EXD3: variants seen among roughly 807,000 people sequenced by gnomAD.
EXD3 encodes the protein exonuclease 3'-5' domain containing 3.
EXD3 carries 92 observed loss-of-function variants against 98.0 expected under a neutral mutation model. The ratio of observed to expected loss-of-function variants is 0.94; its 90% CI spans 0.79 to 1.12. EXD3 has a LOEUF of 1.12. Ranked by LOEUF, EXD3 falls within the 50% of genes most tolerant of loss-of-function variation. EXD3 has a pLI of 0.00. For missense variants in EXD3, 1,222 were observed against 1,191.6 expected, an observed-to-expected ratio of 1.03 and a Z score of -0.38; for synonymous variants, 569 against 526.0, an observed-to-expected ratio of 1.08 and a Z score of -1.12.
intron 17 of EXD3, among the ~76,000 whole-genome samples, chr9:137,325,975 G>C (rs1226872791): frequency 2.6e-5 from 4 of 151,384 alleles, no homozygotes; most frequent in Non-Finnish European, 5.9e-5. Flanking sequence ...AGCTACTTAG[G>C]AAGTCGACGT....
intron 9 of EXD3, 67 bp downstream of exon 9, chr9:137,354,633 T>C (rs779419502): frequency 6.3e-7 from 1 of 1,598,502 alleles, no homozygotes; most frequent in Admixed American, 1.7e-5. Flanking sequence ...GCAGTGAGTA[T>C]CCCAGGCCAA....
intron 17 of EXD3, among the ~76,000 whole-genome samples, chr9:137,337,760 A>G (rs1222117385): frequency 6.6e-6 from 1 of 151,542 alleles, no homozygotes; most frequent in Non-Finnish European, 1.5e-5. Flanking sequence ...AGAGATGAGC[A>G]TGACTGGAAG....
At position 137,395,663 on chromosome 9, in the gene EXD3, G is replaced by T. The variant is rs942990954; in HGVS notation, c.-47-259C>A. On this transcript the variant is annotated intron_variant, in intron 1 of 21. Transcript: ENST00000340951. This position sits in a 1 kb window ranked among gnomAD's most constrained non-coding sequence, Gnocchi z 6.5. ...GCAGGGAGGGCAGGGGGTGGGAGGG[G>T]CCCTGGGGGGGGGCACAGTAGACAG... 6.6e-6 allele frequency among the ~76,000 whole-genome samples: 1 copy of T among 151,618 alleles called. No individual in the cohort carries two copies. The highest frequency in any genetic ancestry group is 6.6e-5 in the Admixed American group (1 of 15,246).
At position 137,356,358 on chromosome 9, in the gene EXD3, CAG is replaced by C; in HGVS notation, c.665_666del (p.Pro222ArgfsTer90). ...FDIKDVARRY[P>X]EVTSLSLEKL... ...TTCTCCAGGCTCAAGGAGGTCACCT[CAG>C]GGTACCGTCTGTGGGGAGAGAGAGG... On this transcript the variant is annotated frameshift_variant, in exon 8 of 22. Transcript: ENST00000340951. LOFTEE classifies it high-confidence loss of function. 1.9e-6 allele frequency: 3 copies of C among 1,599,592 alleles called. No homozygotes were observed. The highest frequency in any genetic ancestry group is 2.6e-6 in the Non-Finnish European group (3 of 1,172,976).
At chr9:137,342,697 GT>G in intron 17 of EXD3, among the ~76,000 whole-genome samples, 1 of 152,316 alleles carries the variant, frequency 6.6e-6, no homozygotes, top group African/African-American at 2.4e-5. Flanking sequence ...TCAGGGAACT[GT>G]TTCCCAGCCG....
At position 137,347,519 on chromosome 9, in the gene EXD3, C is replaced by G. The variant is rs1213135080; in HGVS notation, c.1998+552G>C. Among the ~76,000 whole-genome samples, 2 of 152,044 alleles carry G rather than the reference C, an allele frequency of 1.3e-5. No homozygotes were observed. Among genetic ancestry groups the G allele is most frequent in the Non-Finnish European group, 2.9e-5 (2 of 68,008 alleles). On this transcript the variant is annotated intron_variant, in intron 17 of 21. Transcript: ENST00000340951. This position sits in a 1 kb window ranked among gnomAD's most constrained non-coding sequence, Gnocchi z 4.2. ...AGTGCAGTGGCGTGATCTCAGCTCA[C>G]TGTAACCTCTGCCTCCGGTGTTTAA...
At chr9:137,396,534 A>T (rs916415177) in intron 1 of EXD3, among the ~76,000 whole-genome samples, 2 of 152,108 alleles carry the variant, frequency 1.3e-5, no homozygotes, top group African/African-American at 4.8e-5. Flanking sequence ...TCTCAGCCAC[A>T]CGCGGCACAG....
chr9:137,349,618 C>T lies in EXD3; in HGVS notation c.1495-87G>A. ...CCCACTCACACCAGCCCTGCGGGGG[C>T]TCTGGAGGAGGCCCCGCCCCCTCCA... On this transcript the variant is annotated intron_variant, in intron 14 of 21. Transcript: ENST00000340951. This position sits in a 1 kb window ranked among gnomAD's most constrained non-coding sequence, Gnocchi z 7.4. 1 of 1,371,542 alleles carries T rather than the reference C, an allele frequency of 7.3e-7. No individual in the cohort carries two copies. The allele number at this position is 1,371,542 out of a possible 1,614,324, so 85.0% of individuals were successfully genotyped here. A position where few individuals can be genotyped will look rare whatever the true frequency, so the allele number is the denominator to read the frequency against.
intron 17 of EXD3, among the ~76,000 whole-genome samples, chr9:137,332,669 C>T (rs956267295): frequency 4.6e-5 from 7 of 151,264 alleles, no homozygotes; most frequent in East Asian, 2.0e-4. Flanking sequence ...CAGTGAAACC[C>T]CGTCTCTACT....
At chr9:137,362,712 A>C (rs1835049869) in intron 7 of EXD3, among the ~76,000 whole-genome samples, 1 of 152,050 alleles carries the variant, frequency 6.6e-6, no homozygotes, top group Non-Finnish European at 1.5e-5. Flanking sequence ...CTGAGTTTTG[A>C]GAGATCTTTG....
chr9:137,344,187 G>T (rs1251298699), intron 17 of EXD3, among the ~76,000 whole-genome samples: 1 of 151,990 alleles, frequency 6.6e-6, no homozygotes, highest in African/African-American at 2.4e-5. Context: ...CACTGCGCCC[G>T]GCCTGTATCC....
intron 14 of EXD3, among the ~76,000 whole-genome samples, chr9:137,350,610 GTTCTA>G (rs1682463193): frequency 6.1e-5 from 5 of 82,340 alleles, no homozygotes; most frequent in Admixed American, 2.8e-4. Flanking sequence ...CACGGGGAGG[GTTCTA>G]GATAGAGAGG....
At chr9:137,401,569 C>A (rs2131794204) in intron 1 of EXD3, among the ~76,000 whole-genome samples, 1 of 152,346 alleles carries the variant, frequency 6.6e-6, no homozygotes, top group South Asian at 2.1e-4. Flanking sequence ...GAAATGTAGG[C>A]AGAGGTTCCC....
At chr9:137,421,873 G>A (rs762543385) in intron 1 of EXD3, among the ~76,000 whole-genome samples, 24 of 151,986 alleles carry the variant, frequency 1.6e-4, no homozygotes, top group Non-Finnish European at 2.6e-4. Flanking sequence ...AGAAGAACAT[G>A]GATTTTAGTT....
chr9:137,314,307 C>A (rs533355699), intron 19 of EXD3, among the ~76,000 whole-genome samples: 1 of 152,328 alleles, frequency 6.6e-6, no homozygotes, highest in Admixed American at 6.5e-5. Flanking sequence ...GCACTGTGAG[C>A]CTCTTCAGAG....
Position 137,373,483 on chromosome 9 carries a change from C to A in EXD3, c.237G>T (p.Trp79Cys), listed in dbSNP as rs748652666. 8 of 1,608,504 alleles carry A rather than the reference C, an allele frequency of 5.0e-6. No individual in the cohort carries two copies. The highest frequency in any genetic ancestry group is 1.7e-4 in the Middle Eastern group (1 of 5,822). Residue 79 changes from tryptophan (W) to cysteine (C), a missense_variant, in exon 4 of 22, where the codon TGG becomes TGT. Physicochemically the swap from Trp to Cys is radical, Grantham distance 215. Coordinates refer to ENST00000340951, the MANE Select transcript of EXD3 (RefSeq NM_017820.5). ...QRGEGPSLAAWISHQLQCWLQ... is the reference protein window; with the variant it reads ...QRGEGPSLAACISHQLQCWLQ... ...GCCAGCACTGCAGCTGGTGGGAGAT[C>A]CAGGCCGCCAGGGAGGGGCCCTCTC...
At chr9:137,333,913 G>A (rs111985592) in intron 17 of EXD3, among the ~76,000 whole-genome samples, 1,687 of 151,422 alleles carry the variant, frequency 0.011, 17 homozygotes, top group African/African-American at 0.036. Flanking sequence ...CGTCATCTCC[G>A]CTCACTGCAA....
chr9:137,398,566 C>T (rs1200861539), intron 1 of EXD3, among the ~76,000 whole-genome samples: 2 of 151,178 alleles, frequency 1.3e-5, no homozygotes, highest in East Asian at 2.0e-4. Context: ...CACAGGCAAC[C>T]GCGTCCCCAA....
chr9:137,351,739 T>C (rs1172831520), intron 12 of EXD3, among the ~76,000 whole-genome samples: 2 of 152,230 alleles, frequency 1.3e-5, no homozygotes, highest in Non-Finnish European at 2.9e-5. Context: ...GAGGGAGGCC[T>C]GGCTGTTGTG....
Sources: allele counts gnomAD v4.1 joint callset (sites outside exome capture counted in the v4.1 genomes callset), GRCh38; gene constraint gnomAD v4.1.1; non-coding constraint Gnocchi (gnomAD v3.1); transcripts MANE v1.5; gene names NCBI Gene and HGNC (gene_info 2026-07-23, HGNC 2026-07-21).